Variants in MYO6 observed in about 807,000 individuals in gnomAD.
MYO6 encodes myosin VI, also known as unconventional myosin-VI.
Under a neutral mutation model 178.7 loss-of-function variants are expected in MYO6, and 74 were observed. The ratio of observed to expected loss-of-function variants is 0.41; its 90% CI spans 0.34 to 0.50. MYO6 has a LOEUF of 0.50. Ranked by LOEUF, MYO6 falls within the 20% of genes least tolerant of loss-of-function variation. MYO6 has a pLI of 0.09. For synonymous variants in MYO6, 477 were observed against 504.6 expected (o/e 0.95, Z 0.73); for missense variants, 1,330 against 1,547.4 (o/e 0.86, Z 2.36).
At chr6:75,807,781 G>C (rs1455992660) in intron 1 of MYO6, among the ~76,000 whole-genome samples, 2 of 152,190 alleles carry the variant, frequency 1.3e-5, no homozygotes, top group Non-Finnish European at 2.9e-5. Context: ...TGCCATCTTG[G>C]TTTTGATGGG....
At chr6:75,830,754 C>A (rs566946864) in intron 5 of MYO6, among the ~76,000 whole-genome samples, 1 of 152,298 alleles carries the variant, frequency 6.6e-6, no homozygotes, top group South Asian at 2.1e-4. Context: ...ATGGGGCAGG[C>A]TTACCATACA....
intron 6 of MYO6, among the ~76,000 whole-genome samples, chr6:75,835,546 C>A (rs1773555223): frequency 6.6e-6 from 1 of 152,038 alleles, no homozygotes; most frequent in East Asian, 1.9e-4. Context: ...ATTCTCCTGC[C>A]CCAGCCTCCT....
chr6:75,754,394 C>T (rs958237426), intron 1 of MYO6, among the ~76,000 whole-genome samples: 1 of 151,750 alleles, frequency 6.6e-6, no homozygotes, highest in Admixed American at 6.6e-5. Flanking sequence ...GTGGTGGGTG[C>T]CTGTAATCCC....
At chr6:75,858,009 A>G (rs1477017446) in intron 13 of MYO6, among the ~76,000 whole-genome samples, 2 of 152,140 alleles carry the variant, frequency 1.3e-5, no homozygotes, top group Non-Finnish European at 2.9e-5. Context: ...CTTTTGATGT[A>G]ATACGTATTT....
At chr6:75,755,339 T>C (rs1039227687) in intron 1 of MYO6, among the ~76,000 whole-genome samples, 3 of 152,154 alleles carry the variant, frequency 2.0e-5, no homozygotes, top group Admixed American at 1.3e-4. Flanking sequence ...TCCTCCACTT[T>C]CCCCCTATTG....
intron 1 of MYO6, among the ~76,000 whole-genome samples, chr6:75,772,803 C>T (rs1335249685): frequency 6.6e-6 from 1 of 152,124 alleles, no homozygotes; most frequent in Non-Finnish European, 1.5e-5. Context: ...ATATTGGACC[C>T]TTCAATGAAG....
At chr6:75,774,295 G>A (rs560562271) in intron 1 of MYO6, among the ~76,000 whole-genome samples, 1 of 152,080 alleles carries the variant, frequency 6.6e-6, no homozygotes, top group Non-Finnish European at 1.5e-5. Context: ...CAGCATGATA[G>A]TTAACATTTT....
At chr6:75,753,133 T>A (rs982071000) in intron 1 of MYO6, among the ~76,000 whole-genome samples, 4 of 152,032 alleles carry the variant, frequency 2.6e-5, no homozygotes, top group Admixed American at 2.6e-4. Context: ...GGTAACAAAC[T>A]AGGAATCATG....
At chr6:75,805,113 C>G (rs1430860418) in intron 1 of MYO6, among the ~76,000 whole-genome samples, 3 of 146,856 alleles carry the variant, frequency 2.0e-5, no homozygotes, top group Non-Finnish European at 4.4e-5. Context: ...CAACCTCTGC[C>G]TCGTTGGTTC....
chr6:75,823,306 A>G lies in MYO6; in HGVS notation c.187+455A>G, dbSNP rs188109674. Among the ~76,000 whole-genome samples, 7 of 152,348 alleles carry G rather than the reference A, an allele frequency of 4.6e-5. No homozygotes were observed. The East Asian group carries it at 1.3e-3, about 29-fold the overall frequency. On this transcript the variant is annotated intron_variant, in intron 3 of 34. Coordinates refer to ENST00000369977, the MANE Select transcript of MYO6 (RefSeq NM_004999.4). ...TAATTGAAAAATTAATTTCAGAACA[A>G]TTATATTAAAACACAGCATTAATTT... is the stretch of plus-strand genomic sequence containing the variant.
In MYO6 at chr6:75,865,688, G is replaced by A. The variant is rs142191436; in HGVS notation, c.1675-838G>A. On this transcript the variant is annotated intron_variant, in intron 16 of 34. Transcript: ENST00000369977. ...CCCAACATCACTTTTCTTACCCTTA[G>A]GTTATTTCAAGGGTCAGATGTGATC... Among the ~76,000 whole-genome samples the A allele has an allele frequency of 2.2e-4, 34 of 151,784 alleles. No homozygotes were observed. In the East Asian group the frequency reaches 6.6e-3, roughly 29 times the overall value.
At chr6:75,896,702 C>T (rs1028224416) in intron 29 of MYO6, among the ~76,000 whole-genome samples, 9 of 152,300 alleles carry the variant, frequency 5.9e-5, no homozygotes, top group African/African-American at 2.2e-4. Flanking sequence ...TTGGGTAGGA[C>T]ATTTGGCATT....
intron 1 of MYO6, among the ~76,000 whole-genome samples, chr6:75,784,206 C>T (rs540477972): frequency 6.6e-6 from 1 of 151,822 alleles, no homozygotes; most frequent in Non-Finnish European, 1.5e-5. Context: ...CTCCTGACAT[C>T]GTGATCCGCC....
intron 20 of MYO6, among the ~76,000 whole-genome samples, chr6:75,877,699 C>T (rs185885589): frequency 1.3e-4 from 19 of 151,838 alleles, no homozygotes; most frequent in Non-Finnish European, 1.9e-4. Flanking sequence ...AGCTCTGCAC[C>T]GAGAAGCCAC....
chr6:75,857,509 A>G (rs191551872), intron 13 of MYO6, among the ~76,000 whole-genome samples: 1 of 152,182 alleles, frequency 6.6e-6, no homozygotes, highest in Non-Finnish European at 1.5e-5. Flanking sequence ...AGAGTTAAGG[A>G]TATCTCTATA....
intron 16 of MYO6, among the ~76,000 whole-genome samples, chr6:75,863,859 T>C (rs573915869): frequency 2.8e-4 from 43 of 152,172 alleles, no homozygotes; most frequent in Non-Finnish European, 4.7e-4. Flanking sequence ...TCCATGAGGG[T>C]GGACTGTGTG....
At position 75,867,060 on chromosome 6, in the gene MYO6, A is replaced by G. The variant is rs776907371; in HGVS notation, c.1899A>G (p.Gln633=). The part of the protein sequence containing the change: ...SSTNNNKDTK[Q]KAGKLSFISV... ...CAAATAACAACAAAGATACTAAACA[A>G]AAAGCAGGAAAACTTAGCTTCATCA... Residue 633 remains glutamine, a synonymous_variant, in exon 18 of 35, where the codon CAA becomes CAG. Coordinates refer to ENST00000369977, the MANE Select transcript of MYO6 (RefSeq NM_004999.4). 20 of 1,613,880 alleles carry G rather than the reference A, an allele frequency of 1.2e-5. No individual in the cohort carries two copies. The South Asian group carries it at 2.1e-4, about 17-fold the overall frequency.
intron 30 of MYO6, among the ~76,000 whole-genome samples, chr6:75,899,119 TG>T (rs566870576): frequency 2.8e-4 from 43 of 152,326 alleles, no homozygotes; most frequent in African/African-American, 9.6e-4. Flanking sequence ...AACATTTAAA[TG>T]TGTTGCATTG....
chr6:75,910,052 C>G (rs1780644327), intron 32 of MYO6, among the ~76,000 whole-genome samples: 1 of 152,138 alleles, frequency 6.6e-6, no homozygotes, highest in South Asian at 2.1e-4. Flanking sequence ...TGGGAGATCA[C>G]TTGTAACCAA....
Sources: gnomAD v4.1 joint callset for allele counts (sites outside exome capture counted in the v4.1 genomes callset) on GRCh38, gnomAD v4.1.1 for gene constraint, MANE v1.5 for transcripts, NCBI Gene and HGNC (gene_info 2026-07-23, HGNC 2026-07-21) for gene names.